MVB12B: variants seen among roughly 807,000 people sequenced by gnomAD.
MVB12B encodes ESCRT-I complex subunit MVB12B.
Under a neutral mutation model 41.6 loss-of-function variants are expected in MVB12B, and 16 were observed. The ratio of observed to expected loss-of-function variants is 0.38; its 90% CI spans 0.26 to 0.58. The LOEUF (loss-of-function observed/expected upper bound fraction) is 0.58, where lower values mean the gene tolerates loss of function less well. Ranked by LOEUF, MVB12B falls within the 20% of genes least tolerant of loss-of-function variation. The pLI, the probability that MVB12B is intolerant of heterozygous loss-of-function variation, is 0.62. For synonymous variants in MVB12B, 133 were observed against 139.7 expected, an observed-to-expected ratio of 0.95 and a Z score of 0.34; for missense variants, 274 against 380.2, an observed-to-expected ratio of 0.72 and a Z score of 2.32.
intron 6 of MVB12B, among the ~76,000 whole-genome samples, chr9:126,410,728 T>C (rs2119056318): frequency 6.6e-6 from 1 of 152,238 alleles, no homozygotes; most frequent in South Asian, 2.1e-4. Context: ...TCTAGACTCT[T>C]GAATTACTAT....
At chr9:126,444,094 G>A (rs190001538) in intron 7 of MVB12B, among the ~76,000 whole-genome samples, 201 of 152,334 alleles carry the variant, frequency 1.3e-3, no homozygotes, top group African/African-American at 4.7e-3. Flanking sequence ...CATTAGGTCA[G>A]GTGGTCGTCA....
chr9:126,457,412 A>C (rs1833005091), intron 7 of MVB12B, among the ~76,000 whole-genome samples: 1 of 152,176 alleles, frequency 6.6e-6, no homozygotes, highest in African/African-American at 2.4e-5. Flanking sequence ...CTCCCCACTG[A>C]GGCACGCCTG....
chr9:126,374,437 C>T (rs1353458361), intron 2 of MVB12B, among the ~76,000 whole-genome samples: 1 of 152,234 alleles, frequency 6.6e-6, no homozygotes, highest in Non-Finnish European at 1.5e-5. Context: ...TCAGGGCTTC[C>T]TGAACGCACA....
At chr9:126,354,902 G>A (rs1037630034) in intron 2 of MVB12B, among the ~76,000 whole-genome samples, 8 of 152,094 alleles carry the variant, frequency 5.3e-5, no homozygotes, top group African/African-American at 1.4e-4. Flanking sequence ...AAATATCATC[G>A]ATTTTCAGCT....
chr9:126,500,385 C>T (rs1171631440), intron 9 of MVB12B, among the ~76,000 whole-genome samples: 1 of 152,174 alleles, frequency 6.6e-6, no homozygotes, highest in Non-Finnish European at 1.5e-5. Context: ...GTCCCACCCC[C>T]TCCCCCAACC....
chr9:126,497,577 C>A (rs1423796027), intron 9 of MVB12B, among the ~76,000 whole-genome samples: 1 of 152,146 alleles, frequency 6.6e-6, no homozygotes, highest in East Asian at 1.9e-4. Context: ...GAGCTCCAGG[C>A]CCAGCTACAG....
intron 2 of MVB12B, among the ~76,000 whole-genome samples, chr9:126,358,091 A>T (rs1276973279): frequency 6.6e-6 from 1 of 152,130 alleles, no homozygotes; most frequent in East Asian, 1.9e-4. Context: ...TCTTCATTGA[A>T]TTACTTTGGC....
At chr9:126,364,455 A>T (rs1830108978) in intron 2 of MVB12B, among the ~76,000 whole-genome samples, 1 of 152,158 alleles carries the variant, frequency 6.6e-6, no homozygotes, top group African/African-American at 2.4e-5. Flanking sequence ...GAGCCAGAGG[A>T]GGCTGCACTC....
At chr9:126,361,606 A>G (rs1427932229) in intron 2 of MVB12B, among the ~76,000 whole-genome samples, 2 of 151,840 alleles carry the variant, frequency 1.3e-5, no homozygotes, top group Admixed American at 6.6e-5. Context: ...AACATTTCTC[A>G]TAGTGTTGGT....
At chr9:126,338,758 G>A (rs1829357371) in intron 1 of MVB12B, among the ~76,000 whole-genome samples, 1 of 152,116 alleles carries the variant, frequency 6.6e-6, no homozygotes, top group Non-Finnish European at 1.5e-5. Flanking sequence ...CCAATACTAC[G>A]GGATTTTTCA....
At chr9:126,399,943 G>A (rs1191732755) in intron 6 of MVB12B, among the ~76,000 whole-genome samples, 5 of 152,170 alleles carry the variant, frequency 3.3e-5, no homozygotes, top group African/African-American at 1.2e-4. Context: ...GAGGGCCCCC[G>A]AGGTTCAAAA....
In MVB12B at chr9:126,427,634, T is replaced by C. The variant is rs148051262; in HGVS notation, c.757+5686T>C. ...CTTATTTATCTCTTTTGAAAAAAAA[T>C]TGACATAGTAAAATTAAGCAAATAC... On this transcript the variant is annotated intron_variant, in intron 7 of 9. Transcript: ENST00000361171. 3.8e-4 allele frequency among the ~76,000 whole-genome samples: 58 copies of C among 152,232 alleles called. No individual in the cohort carries two copies. In the East Asian group the frequency reaches 0.01, roughly 27 times the overall value.
chr9:126,356,099 A>G (rs549534164), intron 2 of MVB12B, among the ~76,000 whole-genome samples: 26 of 152,156 alleles, frequency 1.7e-4, no homozygotes, highest in Non-Finnish European at 3.7e-4. Flanking sequence ...GGTTTTTAGA[A>G]TATATTTTAA....
chr9:126,345,478 G>A (rs1326226374), intron 2 of MVB12B, among the ~76,000 whole-genome samples: 1 of 152,252 alleles, frequency 6.6e-6, no homozygotes, highest in Non-Finnish European at 1.5e-5. Flanking sequence ...TCAGTCCCCT[G>A]GAGGGCCCTG....
chr9:126,340,620 G>A lies in MVB12B; in HGVS notation c.194G>A (p.Gly65Asp). 6.2e-7 allele frequency: 1 copy of A among 1,614,122 alleles called. No individual in the cohort carries two copies. Among genetic ancestry groups the A allele is most frequent in the Admixed American group, 1.7e-5 (1 of 60,022 alleles). The change falls in exon 2 of 10, where the codon GGC (glycine) becomes GAC (aspartate). Residue 65 changes from glycine to aspartate, a missense_variant. Coordinates refer to ENST00000361171, the MANE Select transcript of MVB12B (RefSeq NM_033446.3). The surrounding 1 kb of genome is among the most constrained non-coding windows in gnomAD (Gnocchi z 4.0). Reference sequence around the variant, plus strand: ...GCTTCTCGGAACCGAGCCCCGACAGGCTATGACGTAGTAAGTCAAGATACT... The same window carrying A: ...GCTTCTCGGAACCGAGCCCCGACAGACTATGACGTAGTAAGTCAAGATACT... ...VVASRNRAPT[G>D]YDVVAQTADG...
At position 126,391,482 on chromosome 9, in the gene MVB12B, T is replaced by C. The variant is rs1458576448; in HGVS notation, c.410-584T>C. On this transcript the variant is annotated intron_variant, in intron 4 of 9. Coordinates refer to ENST00000361171, the MANE Select transcript of MVB12B (RefSeq NM_033446.3). This position sits in a 1 kb window ranked among gnomAD's most constrained non-coding sequence, Gnocchi z 4.4. Reference sequence around the variant, plus strand: ...CGTTTTGTTAGGAATGGTGATGGCATGGTGGTCTTTAAAGAACAGTGTCCT... The same window carrying C: ...CGTTTTGTTAGGAATGGTGATGGCACGGTGGTCTTTAAAGAACAGTGTCCT... Among the ~76,000 whole-genome samples, 2 of 152,224 alleles carry C rather than the reference T, an allele frequency of 1.3e-5. No individual in the cohort carries two copies. Among genetic ancestry groups the C allele is most frequent in the Non-Finnish European group, 2.9e-5 (2 of 68,046 alleles).
intron 7 of MVB12B, among the ~76,000 whole-genome samples, chr9:126,455,797 A>G (rs1832970581): frequency 6.6e-6 from 1 of 150,624 alleles, no homozygotes; most frequent in Admixed American, 6.6e-5. Flanking sequence ...TGAAGTGGGT[A>G]TTTGAGCCTC....
chr9:126,470,646 C>G (rs1294349264), intron 7 of MVB12B, among the ~76,000 whole-genome samples: 1 of 143,514 alleles, frequency 7.0e-6, no homozygotes, highest in Non-Finnish European at 1.5e-5. Flanking sequence ...AGTCAGTGCT[C>G]TGTGTGTGTG....
In MVB12B at chr9:126,410,053, A is replaced by G. The variant is rs1831585874; in HGVS notation, c.663-11801A>G. 2.0e-5 allele frequency among the ~76,000 whole-genome samples: 3 copies of G among 152,272 alleles called. No individual in the cohort carries two copies. In the South Asian group the frequency reaches 6.2e-4, roughly 32 times the overall value. Reference sequence around the variant, plus strand: ...CAAGCTGCACGTACTTTATGCATTTAGGAACTTGGGGAGTTTGGAATTGTG... The same window carrying G: ...CAAGCTGCACGTACTTTATGCATTTGGGAACTTGGGGAGTTTGGAATTGTG... On this transcript the variant is annotated intron_variant, in intron 6 of 9. Transcript: ENST00000361171.
Sources: allele counts gnomAD v4.1 joint callset (sites outside exome capture counted in the v4.1 genomes callset), GRCh38; gene constraint gnomAD v4.1.1; non-coding constraint Gnocchi (gnomAD v3.1); transcripts MANE v1.5; gene names NCBI Gene and HGNC (gene_info 2026-07-23, HGNC 2026-07-21).